CTPS2: variants seen among roughly 807,000 people sequenced by gnomAD.
CTPS2 encodes the protein CTP synthase II.
CTPS2 carries 19 observed loss-of-function variants against 46.8 expected under a neutral mutation model. The ratio of observed to expected loss-of-function variants is 0.41; its 90% CI spans 0.28 to 0.60. The LOEUF is 0.60. Ranked by LOEUF, CTPS2 falls within the 20% of genes least tolerant of loss-of-function variation. The pLI is 0.35. For missense variants in CTPS2, 286 were observed against 447.6 expected (o/e 0.64, Z 3.26); for synonymous variants, 151 against 165.2 (o/e 0.91, Z 0.66).
chrX:16,663,209 G>A (rs908433537), intron 13 of CTPS2, among the ~76,000 whole-genome samples: 7 of 111,724 alleles, frequency 6.3e-5, no homozygotes, highest in African/African-American at 9.8e-5. Flanking sequence ...ATGCAGCGGC[G>A]TGATCACAGC....
At chrX:16,648,254 A>G (rs979414035) in intron 13 of CTPS2, among the ~76,000 whole-genome samples, 7 of 112,199 alleles carry the variant, frequency 6.2e-5, no homozygotes, top group African/African-American at 2.3e-4. Context: ...TTGTGGTTAC[A>G]TAGGAGAATG....
At chrX:16,629,497 C>A (rs1213671783) in intron 14 of CTPS2, among the ~76,000 whole-genome samples, 1 of 110,045 alleles carries the variant, frequency 9.1e-6, no homozygotes, top group African/African-American at 3.3e-5. Flanking sequence ...CTCTTTTAAA[C>A]TGTTATGTAA....
intron 13 of CTPS2, among the ~76,000 whole-genome samples, chrX:16,647,421 C>T (rs1165634384): frequency 9.2e-6 from 1 of 108,357 alleles, no homozygotes; most frequent in Non-Finnish European, 1.9e-5. Context: ...ACATGCACCA[C>T]CACGCCTGGC....
At chrX:16,602,180 C>T (rs1041054518) in intron 17 of CTPS2, among the ~76,000 whole-genome samples, 3 of 111,050 alleles carry the variant, frequency 2.7e-5, no homozygotes, top group African/African-American at 9.8e-5. Flanking sequence ...GGGAGCATTC[C>T]CTGGGTACAA....
chrX:16,698,724 T>C (rs901102070), intron 3 of CTPS2, among the ~76,000 whole-genome samples, 199 bp downstream of exon 3: 4 of 111,213 alleles, frequency 3.6e-5, no homozygotes, highest in Non-Finnish European at 7.5e-5. Flanking sequence ...CTAATTTTTG[T>C]ATTTTTAGTA....
At chrX:16,655,731 A>G (rs1416168162) in intron 13 of CTPS2, among the ~76,000 whole-genome samples, 1 of 111,796 alleles carries the variant, frequency 8.9e-6, no homozygotes, top group Admixed American at 9.5e-5. Context: ...GTATCAAAGT[A>G]TCAGTATTGG....
intron 3 of CTPS2, 43 bp from the exon 4 acceptor site, chrX:16,698,379 T>A: frequency 1.0e-6 from 1 of 962,593 alleles, no homozygotes; most frequent in South Asian, 2.0e-5. Flanking sequence ...TCCATGCTCA[T>A]GAGAAAAGAA....
chrX:16,622,676 G>T (rs769568457), intron 14 of CTPS2, among the ~76,000 whole-genome samples: 6 of 111,434 alleles, frequency 5.4e-5, no homozygotes, highest in Admixed American at 1.9e-4. Context: ...GAGTCAAGGG[G>T]ACTAGCAGGA....
intron 1 of CTPS2, among the ~76,000 whole-genome samples, chrX:16,710,957 T>G (rs1460618653): frequency 8.9e-6 from 1 of 112,247 alleles, no homozygotes; most frequent in Non-Finnish European, 1.9e-5. Context: ...TAACAAAGTT[T>G]CAAAGGTTCA....
intron 17 of CTPS2, among the ~76,000 whole-genome samples, chrX:16,592,449 T>C (rs1311108038): frequency 8.9e-6 from 1 of 111,950 alleles, no homozygotes; most frequent in Non-Finnish European, 1.9e-5. Context: ...CAGCTGCAGT[T>C]TGGCTTTTGG....
intron 13 of CTPS2, among the ~76,000 whole-genome samples, chrX:16,643,600 T>C (rs1017024057): frequency 2.7e-5 from 3 of 111,982 alleles, no homozygotes; most frequent in Admixed American, 9.5e-5. Flanking sequence ...TTCTAAGTCA[T>C]ATTCAAATTG....
chrX:16,658,731 C>T (rs1932877332), intron 13 of CTPS2, among the ~76,000 whole-genome samples: 1 of 112,318 alleles, frequency 8.9e-6, no homozygotes, highest in Non-Finnish European at 1.9e-5. Context: ...GTTTTGTTCA[C>T]GATGGTGCAC....
intron 17 of CTPS2, among the ~76,000 whole-genome samples, chrX:16,601,804 G>A (rs1204837399): frequency 8.9e-6 from 1 of 112,045 alleles, no homozygotes; most frequent in Non-Finnish European, 1.9e-5. Context: ...TACATTTAGT[G>A]TGAAACTTAA....
At chrX:16,625,885 G>A (rs1447008686) in intron 14 of CTPS2, among the ~76,000 whole-genome samples, 1 of 110,982 alleles carries the variant, frequency 9.0e-6, no homozygotes. Flanking sequence ...TGGAGCCTGG[G>A]GTTTGGGGTT....
intron 1 of CTPS2, 75 bp from the exon 2 acceptor site, chrX:16,703,016 G>A: frequency 1.7e-5 from 9 of 524,682 alleles, no homozygotes; most frequent in African/African-American, 2.6e-5. Context: ...TATTCAACCA[G>A]AATTAATTTT....
At chrX:16,633,084 G>GTT (rs11287714) in intron 14 of CTPS2, among the ~76,000 whole-genome samples, 2 of 77,159 alleles carry the variant, frequency 2.6e-5, no homozygotes, top group Non-Finnish European at 4.8e-5. Flanking sequence ...CTTTTCTTTT[G>GTT]TTTTTTTTTT....
intron 4 of CTPS2, among the ~76,000 whole-genome samples, chrX:16,696,516 C>T (rs1924128621): frequency 9.0e-6 from 1 of 111,297 alleles, no homozygotes; most frequent in African/African-American, 3.3e-5. Context: ...ATTGTGAAGA[C>T]AAGTCAATTC....
chrX:16,675,552 A>G (rs1340508373), intron 10 of CTPS2, among the ~76,000 whole-genome samples: 1 of 112,217 alleles, frequency 8.9e-6, no homozygotes, highest in Admixed American at 9.5e-5. Context: ...TATAATTCTA[A>G]TATGAATTCG....
At chrX:16,639,916 C>T (rs929239543) in intron 13 of CTPS2, among the ~76,000 whole-genome samples, 1 of 111,339 alleles carries the variant, frequency 9.0e-6, no homozygotes, top group African/African-American at 3.3e-5. Flanking sequence ...TTAAGTGGCA[C>T]CCTTGATCGC....
Sources: gnomAD v4.1 joint callset for allele counts (sites outside exome capture counted in the v4.1 genomes callset) on GRCh38, gnomAD v4.1.1 for gene constraint, MANE v1.5 for transcripts, NCBI Gene and HGNC (gene_info 2026-07-23, HGNC 2026-07-21) for gene names.